DSCAM: variants seen among roughly 807,000 people sequenced by gnomAD.
DSCAM encodes the protein DS cell adhesion molecule.
In DSCAM, 47 loss-of-function variants were observed where a neutral mutation model predicts 217.7. That is an observed-to-expected ratio of 0.22 (90% CI 0.17 to 0.28). The LOEUF is 0.28. DSCAM is among the 10% of genes least tolerant of loss of function. The probability of loss-of-function intolerance (pLI) is 1.00; values close to 1 mark genes in which losing one functional copy is unlikely to be tolerated. For synonymous variants in DSCAM, 1,056 were observed against 1,015.3 expected, an observed-to-expected ratio of 1.04 and a Z score of -0.76; for missense variants, 2,080 against 2,618.3, an observed-to-expected ratio of 0.79 and a Z score of 4.49.
In DSCAM at chr21:40,397,952, C is replaced by T. The variant is rs117806241; in HGVS notation, c.509-28707G>A. Among the ~76,000 whole-genome samples the T allele has an allele frequency of 6.5e-3, 990 of 152,242 alleles. 7 individuals carry two copies. The highest frequency in any genetic ancestry group is 0.014 in the Admixed American group (209 of 15,296). ...CCATTACTACTGCAACAATTACCAC[C>T]ACCACCACTACTGCCACTAGTTCTA... On this transcript the variant is annotated intron_variant, in intron 3 of 32. Coordinates refer to ENST00000400454, the MANE Select transcript of DSCAM (RefSeq NM_001389.5).
At chr21:40,600,516 C>T (rs1022979438) in intron 3 of DSCAM, among the ~76,000 whole-genome samples, 5 of 151,990 alleles carry the variant, frequency 3.3e-5, no homozygotes, top group African/African-American at 1.2e-4. Flanking sequence ...GAGACACATA[C>T]ATCCAGACCA....
intron 3 of DSCAM, among the ~76,000 whole-genome samples, chr21:40,610,453 C>T (rs2089297849): frequency 6.6e-6 from 1 of 152,214 alleles, no homozygotes; most frequent in Admixed American, 6.5e-5. Context: ...GCTGGCAAGG[C>T]CCCATCCCCT....
At chr21:40,187,740 G>A in intron 13 of DSCAM, 151 bp downstream of exon 13, 1 of 747,238 alleles carries the variant, frequency 1.3e-6, no homozygotes, top group Non-Finnish European at 2.3e-6. Context: ...GCAAAATTCT[G>A]CTTTAGCACT....
chr21:40,784,889 A>T (rs2091579694), intron 1 of DSCAM, among the ~76,000 whole-genome samples: 1 of 152,240 alleles, frequency 6.6e-6, no homozygotes, highest in African/African-American at 2.4e-5. Flanking sequence ...CAGGTGTGAC[A>T]TTCTGTTATA....
In DSCAM at chr21:40,402,689, T is replaced by A. The variant is rs969534759; in HGVS notation, c.509-33444A>T. The stretch of plus-strand genomic sequence containing the variant: ...TCTTTTTTATTTGTTTTTTTTTTTT[T>A]AATTTATTGAGAGGAAGATTTAACA... On this transcript the variant is annotated intron_variant, in intron 3 of 32. Transcript: ENST00000400454. Among the ~76,000 whole-genome samples the A allele has an allele frequency of 1.0e-3, 153 of 149,974 alleles. 1 individual carries two copies. Among genetic ancestry groups the A allele is most frequent in the Admixed American group, 2.9e-3 (44 of 15,166 alleles).
chr21:40,420,620 A>G (rs1442189487), intron 3 of DSCAM, among the ~76,000 whole-genome samples: 2 of 152,194 alleles, frequency 1.3e-5, no homozygotes, highest in Non-Finnish European at 2.9e-5. Context: ...ATGTGAACTT[A>G]TTTGAGAATA....
At chr21:40,577,073 A>G (rs1235256170) in intron 3 of DSCAM, among the ~76,000 whole-genome samples, 1 of 151,838 alleles carries the variant, frequency 6.6e-6, no homozygotes, top group East Asian at 1.9e-4. Context: ...GTGAATTTAT[A>G]TATCATAAAT....
chr21:40,218,910 A>G (rs2091266842), intron 11 of DSCAM, among the ~76,000 whole-genome samples: 1 of 152,206 alleles, frequency 6.6e-6, no homozygotes, highest in South Asian at 2.1e-4. Context: ...AGTTCTCTAC[A>G]TATAGAATCA....
intron 1 of DSCAM, among the ~76,000 whole-genome samples, chr21:40,741,723 A>G (rs967538759): frequency 6.6e-6 from 1 of 152,224 alleles, no homozygotes; most frequent in East Asian, 1.9e-4. Context: ...CCCCATCCAG[A>G]TGAAATAAAT....
rs59846590 is a variant in DSCAM at position 40,038,040 on chromosome 21, G to C, written c.5686+4331C>G. 8.3e-3 allele frequency among the ~76,000 whole-genome samples: 1,248 copies of C among 150,010 alleles called. 22 individuals are homozygous for C. Among genetic ancestry groups the C allele is most frequent in the African/African-American group, 0.029 (1,169 of 40,750 alleles). On this transcript the variant is annotated intron_variant, in intron 32 of 32. Transcript: ENST00000400454. ...TTCAAGATGGATTAAAGACTTAAAC[G>C]TTAGACCTAAAACCATAAAAACCCT...
intron 3 of DSCAM, among the ~76,000 whole-genome samples, chr21:40,443,308 T>C (rs2075647831): frequency 6.6e-6 from 1 of 152,260 alleles, no homozygotes; most frequent in Non-Finnish European, 1.5e-5. Context: ...GTAGATCCAT[T>C]TATGCTGCAG....
At chr21:40,817,435 G>A (rs1317821245) in intron 1 of DSCAM, among the ~76,000 whole-genome samples, 1 of 152,142 alleles carries the variant, frequency 6.6e-6, no homozygotes, top group African/African-American at 2.4e-5. Context: ...GTGCATGTCT[G>A]GGGGACTTCC....
chr21:40,470,379 G>A (rs777977291), intron 3 of DSCAM, among the ~76,000 whole-genome samples: 14 of 152,302 alleles, frequency 9.2e-5, no homozygotes, highest in Non-Finnish European at 1.3e-4. Context: ...TTACAATAAC[G>A]TCCTGCCAAA....
Position 40,674,632 on chromosome 21 carries a change from C to CTT in DSCAM, c.508+18176_508+18177dup, listed in dbSNP as rs869046725. On this transcript the variant is annotated intron_variant, in intron 3 of 32. Transcript: ENST00000400454. ...GTATTTTCTTTTTCTTTTTCTTTTT[C>CTT]TTTTTTTTTTTTTTTTTTGAGACGG... Among the ~76,000 whole-genome samples the CTT allele has an allele frequency of 2.9e-3, 150 of 51,986 alleles. 1 individual carries two copies. Among genetic ancestry groups the CTT allele is most frequent in the African/African-American group, 9.4e-3 (147 of 15,640 alleles). 34.1% of individuals were successfully genotyped at this position (51,986 alleles called of 152,430 possible). A position where few individuals can be genotyped will look rare whatever the true frequency, so the allele number is the denominator to read the frequency against.
chr21:40,089,889 C>T (rs904471091), intron 21 of DSCAM, among the ~76,000 whole-genome samples: 1 of 152,134 alleles, frequency 6.6e-6, no homozygotes, highest in Non-Finnish European at 1.5e-5. Context: ...AAAATCCACG[C>T]AATAGAGCAT....
intron 22 of DSCAM, 54 bp downstream of exon 22, chr21:40,087,116 T>C (rs2089543260): frequency 4.6e-6 from 6 of 1,310,358 alleles, no homozygotes; most frequent in Admixed American, 1.7e-5. Flanking sequence ...CCTGAGTATG[T>C]CAGATGTAAT....
intron 3 of DSCAM, among the ~76,000 whole-genome samples, chr21:40,400,391 C>G (rs2075222858): frequency 1.3e-5 from 2 of 152,124 alleles, no homozygotes. Context: ...ATAGAATGCT[C>G]AATTCTCATA....
intron 1 of DSCAM, among the ~76,000 whole-genome samples, chr21:40,790,741 G>A (rs1434152933): frequency 6.6e-6 from 1 of 152,110 alleles, no homozygotes; most frequent in Non-Finnish European, 1.5e-5. Context: ...ATAGCATACA[G>A]CACAAAAAAT....
chr21:40,788,855 ATTAAT>A (rs1175085277), intron 1 of DSCAM, among the ~76,000 whole-genome samples: 1 of 152,212 alleles, frequency 6.6e-6, no homozygotes, highest in South Asian at 2.1e-4. Flanking sequence ...AATCACAAAG[ATTAAT>A]TTAACAGTTG....
Sources: allele counts gnomAD v4.1 joint callset (sites outside exome capture counted in the v4.1 genomes callset), GRCh38; gene constraint gnomAD v4.1.1; transcripts MANE v1.5; gene names NCBI Gene and HGNC (gene_info 2026-07-23, HGNC 2026-07-21).